Variants in TTLL7 observed in about 807,000 individuals in gnomAD.
TTLL7 encodes tubulin tyrosine ligase like 7, also known as tubulin polyglutamylase TTLL7.
A neutral mutation model predicts 120.2 loss-of-function variants in TTLL7; 53 were observed. The ratio of observed to expected loss-of-function variants is 0.44; its 90% CI spans 0.35 to 0.55. The LOEUF (loss-of-function observed/expected upper bound fraction) is 0.55, where lower values mean the gene tolerates loss of function less well. TTLL7 is among the 20% of genes least tolerant of loss of function. TTLL7 has a pLI of 0.00. For missense variants in TTLL7, 803 were observed against 1,054.7 expected (o/e 0.76, Z 3.31); for synonymous variants, 353 against 351.7 (o/e 1.00, Z -0.04).
chr1:83,959,608 G>A (rs913341580), intron 1 of TTLL7, among the ~76,000 whole-genome samples: 9 of 152,054 alleles, frequency 5.9e-5, no homozygotes, highest in African/African-American at 1.4e-4. Context: ...ACCAGCTACC[G>A]ATGCTCACTA....
chr1:83,981,911 A>T (rs1036400709), intron 1 of TTLL7, among the ~76,000 whole-genome samples: 11 of 152,314 alleles, frequency 7.2e-5, no homozygotes, highest in African/African-American at 1.2e-4. Context: ...CTAAATTAAA[A>T]ATCAGCAAGG....
intron 10 of TTLL7, among the ~76,000 whole-genome samples, chr1:83,924,779 AC>A (rs777185652): frequency 1.8e-4 from 28 of 152,306 alleles, no homozygotes; most frequent in Admixed American, 7.2e-4. Context: ...CACCAAAAAG[AC>A]AAAGGTGAAC....
chr1:83,976,502 G>A (rs1362461509), intron 1 of TTLL7, among the ~76,000 whole-genome samples: 1 of 151,996 alleles, frequency 6.6e-6, no homozygotes, highest in East Asian at 1.9e-4. Flanking sequence ...CAACTCTTCA[G>A]TATTCATGAA....
intron 1 of TTLL7, among the ~76,000 whole-genome samples, chr1:83,963,008 CAA>C (rs914416104): frequency 2.0e-5 from 3 of 152,150 alleles, no homozygotes; most frequent in Admixed American, 1.3e-4. Context: ...AGCCTAAACA[CAA>C]AGTCAATGGC....
chr1:83,912,809 T>C (rs995948548), intron 14 of TTLL7: 1 of 152,172 alleles, frequency 6.6e-6, no homozygotes, highest in Non-Finnish European at 1.5e-5. Flanking sequence ...ATTTACTAAG[T>C]ACTGACAATG....
chr1:83,914,648 G>T (rs1657983373), intron 14 of TTLL7, among the ~76,000 whole-genome samples: 1 of 151,984 alleles, frequency 6.6e-6, no homozygotes, highest in Non-Finnish European at 1.5e-5. Context: ...CTCTCTTAAT[G>T]CTTAGAGCAC....
chr1:83,892,953 A>AGAAGAAAGAAAGAAAGT (rs71582910), intron 18 of TTLL7, among the ~76,000 whole-genome samples: 1 of 65,406 alleles, frequency 1.5e-5, no homozygotes, highest in African/African-American at 2.0e-4. Flanking sequence ...AAAGAAAGAA[A>AGAAGAAAGAAAGAAAGT]AGAATAAAAG....
Position 83,890,399 on chromosome 1 carries a change from T to C in TTLL7, c.2291A>G (p.Tyr764Cys). The change falls in exon 19 of 21, where the codon TAT becomes TGT. Residue 764 changes from tyrosine (Y) to cysteine (C), a missense_variant. Around this residue, in one of 3 missense-constraint regions of TTLL7, gnomAD observed 388 missense variants for 450.4 expected, o/e 0.86. Transcript: ENST00000260505. ...KVPDVEEVNL[Y>C]RIFNRVFNRL... ...ATTAAAAACCCGGTTGAAAATCCGA[T>C]ATAAATTTACTTCTTCAACATCAGG... 2 of 1,613,406 alleles carry C rather than the reference T, an allele frequency of 1.2e-6. No homozygotes were observed. The highest frequency in any genetic ancestry group is 1.7e-6 in the Non-Finnish European group (2 of 1,179,594).
chr1:83,949,671 T>C, intron 4 of TTLL7, 194 bp downstream of exon 4: 2 of 559,886 alleles, frequency 3.6e-6, no homozygotes, highest in South Asian at 5.0e-5. Context: ...TAGAAAGAGG[T>C]TAAAACTTAA....
At chr1:83,892,287 T>C (rs1319370399) in intron 18 of TTLL7, among the ~76,000 whole-genome samples, 3 of 61,404 alleles carry the variant, frequency 4.9e-5, no homozygotes, top group African/African-American at 8.3e-5. Context: ...TGAATATATA[T>C]GTATATATGA....
At chr1:83,959,766 C>A (rs995036428) in intron 1 of TTLL7, among the ~76,000 whole-genome samples, 2 of 152,008 alleles carry the variant, frequency 1.3e-5, no homozygotes, top group Non-Finnish European at 2.9e-5. Flanking sequence ...CAAATCAACA[C>A]CAACAAGGGA....
intron 19 of TTLL7, among the ~76,000 whole-genome samples, chr1:83,884,145 A>T (rs1426283751): frequency 6.6e-6 from 1 of 151,504 alleles, no homozygotes; most frequent in Admixed American, 6.6e-5. Context: ...AGGGAGAGAG[A>T]GAGAGAGAGA....
At chr1:83,987,355 A>C (rs1455482118) in intron 1 of TTLL7, among the ~76,000 whole-genome samples, 1 of 152,182 alleles carries the variant, frequency 6.6e-6, no homozygotes, top group African/African-American at 2.4e-5. Flanking sequence ...GGATTGAAAG[A>C]AGCAACGCAG....
At chr1:83,956,443 T>TC (rs924400598) in intron 1 of TTLL7, among the ~76,000 whole-genome samples, 2 of 150,734 alleles carry the variant, frequency 1.3e-5, no homozygotes, top group Non-Finnish European at 3.0e-5. Context: ...TTTTTTTTTT[T>TC]TGACACGAAG....
chr1:83,994,851 G>A (rs1021364183), intron 1 of TTLL7, among the ~76,000 whole-genome samples: 9 of 152,194 alleles, frequency 5.9e-5, no homozygotes, highest in African/African-American at 1.7e-4. Flanking sequence ...GGACCCTGAA[G>A]CTGGAGACCT....
chr1:83,933,789 G>C (rs1571231893), intron 8 of TTLL7, 23 bp from the exon 9 acceptor site: 1 of 1,590,866 alleles, frequency 6.3e-7, no homozygotes, highest in East Asian at 2.2e-5. Flanking sequence ...GATAAAAGAA[G>C]TGAAAATGCC....
chr1:83,897,997 A>C (rs565109851), intron 18 of TTLL7, among the ~76,000 whole-genome samples: 1 of 152,004 alleles, frequency 6.6e-6, no homozygotes, highest in Non-Finnish European at 1.5e-5. Context: ...TCTGATTAAC[A>C]TGCATCTAAT....
intron 1 of TTLL7, among the ~76,000 whole-genome samples, chr1:83,970,623 G>C (rs1442328289): frequency 6.6e-6 from 1 of 152,058 alleles, no homozygotes; most frequent in Non-Finnish European, 1.5e-5. Context: ...AAAGATAATT[G>C]CTAATTAAGA....
chr1:83,896,993 T>G (rs1409664095), intron 18 of TTLL7, among the ~76,000 whole-genome samples: 2 of 152,114 alleles, frequency 1.3e-5, no homozygotes, highest in Non-Finnish European at 2.9e-5. Flanking sequence ...TTAAATAAGA[T>G]TAACTATTTC....
Sources: allele counts gnomAD v4.1 joint callset (sites outside exome capture counted in the v4.1 genomes callset), GRCh38; gene constraint gnomAD v4.1.1; regional missense constraint gnomAD v4.1.1; transcripts MANE v1.5; gene names NCBI Gene and HGNC (gene_info 2026-07-23, HGNC 2026-07-21).